The following ARID3A variants were observed in gnomAD, a reference collection of about 807,000 sequenced individuals.
ARID3A encodes the protein AT-rich interactive domain-containing protein 3A.
In ARID3A, 11 loss-of-function variants were observed where a neutral mutation model predicts 52.7. The ratio of observed to expected loss-of-function variants is 0.21; its 90% confidence interval spans 0.13 to 0.35. The LOEUF (loss-of-function observed/expected upper bound fraction) is 0.35, where lower values mean the gene tolerates loss of function less well. ARID3A is among the 10% of genes least tolerant of loss of function. ARID3A has a pLI of 1.00. For synonymous variants in ARID3A, 404 were observed against 359.4 expected, an observed-to-expected ratio of 1.12 and a Z score of -1.40; for missense variants, 721 against 838.5, an observed-to-expected ratio of 0.86 and a Z score of 1.73.
chr19:971,932 G>C lies in ARID3A; in HGVS notation c.1649G>C (p.Gly550Ala), dbSNP rs2038282926. The change falls in exon 9 of 9, where the codon GGA (glycine) becomes GCA (alanine). Residue 550 changes from glycine (G) to alanine (A), a missense_variant. Physicochemically the swap from Gly to Ala is moderately conservative, Grantham distance 60 (BLOSUM62 0). This residue lies in a region of ARID3A where 297 missense variants were observed against 343.2 expected (regional missense o/e 0.87). Coordinates refer to ENST00000263620, the MANE Select transcript of ARID3A (RefSeq NM_005224.3). Reference sequence around the variant, plus strand: ...ACGCCAACCTCTGCTCCCAACAAAGGAGGCGGCGGCGGCGGCGGCAGCAGC... The same window carrying C: ...ACGCCAACCTCTGCTCCCAACAAAGCAGGCGGCGGCGGCGGCGGCAGCAGC... ...APTPTSAPNK[G>A]GGGGGGSSSN... The C allele has an allele frequency of 1.3e-6, 2 of 1,582,788 alleles. No individual in the cohort carries two copies. The highest frequency in any genetic ancestry group is 1.7e-6 in the Non-Finnish European group (2 of 1,161,142).
At chr19:952,784 G>A (rs1410004698) in intron 3 of ARID3A, among the ~76,000 whole-genome samples, 1 of 152,128 alleles carries the variant, frequency 6.6e-6, no homozygotes, top group Non-Finnish European at 1.5e-5. Context: ...CTCCCAGGGG[G>A]CCCTGCAGAC....
intron 3 of ARID3A, among the ~76,000 whole-genome samples, chr19:945,424 G>A (rs1370105142): frequency 6.6e-6 from 1 of 151,684 alleles, no homozygotes; most frequent in East Asian, 2.0e-4. Flanking sequence ...CTGCTCCCTA[G>A]CGGGGAGGTG....
rs1346671874 is a variant in ARID3A, at chr19:966,784, C to A, written c.1411C>A (p.Gln471Lys). 1 of 1,613,668 alleles carries A rather than the reference C, an allele frequency of 6.2e-7. No homozygotes were observed. The stretch of plus-strand genomic sequence containing the variant: ...GATGGCCCTGGTGGCCGATGAGCAG[C>A]AACGGCTGATGCAACGTGCACTCCA... ...KKMALVADEQ[Q>K]RLMQRALQQN... The change falls in exon 7 of 9, where the codon CAA becomes AAA. Residue 471 changes from glutamine to lysine, a missense_variant. This residue lies in a region of ARID3A where 297 missense variants were observed against 343.2 expected (regional missense o/e 0.87). Transcript: ENST00000263620.
intron 4 of ARID3A, among the ~76,000 whole-genome samples, chr19:962,139 G>A (rs1489479718): frequency 6.6e-6 from 1 of 152,154 alleles, no homozygotes; most frequent in African/African-American, 2.4e-5. Context: ...CTCTGTAATG[G>A]GGGCCCTTGG....
chr19:926,825 C>A (rs2037210140), intron 1 of ARID3A, among the ~76,000 whole-genome samples: 1 of 152,002 alleles, frequency 6.6e-6, no homozygotes, highest in East Asian at 1.9e-4. Flanking sequence ...CGCTCGGCGC[C>A]GGCCCCGGGC....
At position 947,150 on chromosome 19, in the gene ARID3A, G is replaced by A. The variant is rs989504889; in HGVS notation, c.694-12942G>A. Among the ~76,000 whole-genome samples the A allele has an allele frequency of 6.6e-6, 1 of 152,074 alleles. No homozygotes were observed. Among genetic ancestry groups the A allele is most frequent in the African/African-American group, 2.4e-5 (1 of 41,370 alleles). On this transcript the variant is annotated intron_variant, in intron 3 of 8. Transcript: ENST00000263620. This position sits in a 1 kb window ranked among gnomAD's most constrained non-coding sequence, Gnocchi z 6.3. ...TGGGTGCCCCCCATTGCTGGGCACC[G>A]TGGGGTGGGGTGTGTCTGTGTGTGG...
rs1001021339 is a variant in ARID3A, at chr19:964,541, G to A, written c.950+110G>A. 1.2e-5 allele frequency: 17 copies of A among 1,390,294 alleles called. No homozygotes were observed. In the African/African-American group the frequency reaches 2.2e-4, roughly 18 times the overall value. 86.1% of individuals were successfully genotyped at this position (1,390,294 alleles called of 1,614,324 possible). On this transcript the variant is annotated intron_variant, in intron 5 of 8. Coordinates refer to ENST00000263620, the MANE Select transcript of ARID3A (RefSeq NM_005224.3). The surrounding 1 kb of genome is among the most constrained non-coding windows in gnomAD (Gnocchi z 5.7). ...GTGGGCAGCTGCAGAGGAGGGGGCA[G>A]TGGGCAGCCGCAAAGGGCACAGGGC... is the stretch of plus-strand genomic sequence containing the variant.
intron 3 of ARID3A, among the ~76,000 whole-genome samples, chr19:939,095 C>CTATG (rs2037493095): frequency 1.6e-5 from 2 of 121,274 alleles, no homozygotes; most frequent in South Asian, 6.2e-4. Flanking sequence ...CACACCTGGC[C>CTATG]TATTTATTTA....
intron 3 of ARID3A, among the ~76,000 whole-genome samples, chr19:948,866 C>T (rs978820113): frequency 2.0e-5 from 3 of 152,000 alleles, no homozygotes; most frequent in Admixed American, 6.6e-5. Flanking sequence ...TGCGCCACCA[C>T]GCCCGGCTAA....
rs1430577575 is a variant in ARID3A at position 972,395 on chromosome 19, G to A, written c.*330G>A. On this transcript the variant is annotated 3_prime_UTR_variant, in exon 9 of 9. Coordinates refer to ENST00000263620, the MANE Select transcript of ARID3A (RefSeq NM_005224.3). ...CAGAAAGAGGCAGACGTTTCCCAGG[G>A]CGTTCAGGCAGCCCTGATGGACCGA... The A allele has an allele frequency of 4.6e-6, 1 of 218,896 alleles. No individual in the cohort carries two copies. Among genetic ancestry groups the A allele is most frequent in the Non-Finnish European group, 9.2e-6 (1 of 108,790 alleles). The allele number at this position is 218,896 out of a possible 1,614,324, so 13.6% of individuals were successfully genotyped here.
intron 6 of ARID3A, among the ~76,000 whole-genome samples, chr19:966,225 C>A (rs1179901280): frequency 6.7e-6 from 1 of 150,194 alleles, no homozygotes; most frequent in Admixed American, 6.6e-5. Flanking sequence ...TTTGGGAGGC[C>A]GAGGCGGGCG....
chr19:969,892 C>T (rs1317967605), intron 8 of ARID3A, among the ~76,000 whole-genome samples: 4 of 151,806 alleles, frequency 2.6e-5, no homozygotes, highest in African/African-American at 9.7e-5. Flanking sequence ...GAGGTTTCAC[C>T]ATGTTGGCCA....
chr19:927,065 C>A (rs1382386361), intron 1 of ARID3A, among the ~76,000 whole-genome samples: 1 of 151,978 alleles, frequency 6.6e-6, no homozygotes, highest in Non-Finnish European at 1.5e-5. Context: ...CTCTTCCCTT[C>A]GTGGAGTGAG....
At chr19:951,894 G>C (rs548749320) in intron 3 of ARID3A, among the ~76,000 whole-genome samples, 1 of 152,084 alleles carries the variant, frequency 6.6e-6, no homozygotes, top group Non-Finnish European at 1.5e-5. Flanking sequence ...CCAGCACTTC[G>C]AGAGGCAGAG....
intron 3 of ARID3A, among the ~76,000 whole-genome samples, chr19:953,479 C>CA (rs1359682284): frequency 6.7e-6 from 1 of 150,124 alleles, no homozygotes; most frequent in Non-Finnish European, 1.5e-5. Flanking sequence ...TCCCACACCC[C>CA]CCCCCGTGCA....
chr19:955,709 AG>A (rs148915291), intron 3 of ARID3A, among the ~76,000 whole-genome samples: 3,983 of 152,154 alleles, frequency 0.026, 214 homozygotes, highest in East Asian at 0.21. Context: ...GTGCCAGGGA[AG>A]GGGGGGTCCA....
intron 7 of ARID3A, among the ~76,000 whole-genome samples, chr19:968,082 T>C (rs910016923): frequency 6.9e-6 from 1 of 144,510 alleles, no homozygotes; most frequent in East Asian, 2.1e-4. Context: ...TTTGTTCGGC[T>C]GGGCACAGTG....
intron 3 of ARID3A, among the ~76,000 whole-genome samples, chr19:952,002 G>T (rs2037811487): frequency 6.6e-6 from 1 of 152,130 alleles, no homozygotes; most frequent in South Asian, 2.1e-4. Context: ...TTAGCCAGGT[G>T]TGGTGGCACG....
chr19:961,326 C>T (rs1193814522), intron 4 of ARID3A, among the ~76,000 whole-genome samples: 2 of 152,140 alleles, frequency 1.3e-5, no homozygotes, highest in Non-Finnish European at 2.9e-5. Context: ...TTGTGGGCCC[C>T]CTGGCCCACA....
Sources: allele counts gnomAD v4.1 joint callset (sites outside exome capture counted in the v4.1 genomes callset), GRCh38; gene constraint gnomAD v4.1.1; regional missense constraint gnomAD v4.1.1; non-coding constraint Gnocchi (gnomAD v3.1); transcripts MANE v1.5; gene names NCBI Gene and HGNC (gene_info 2026-07-23, HGNC 2026-07-21).